Variants in SLC14A2 observed in about 807,000 individuals in gnomAD.
SLC14A2 encodes the protein solute carrier family 14 member 2, also known as urea transporter 2.
A neutral mutation model predicts 104.6 loss-of-function variants in SLC14A2; 91 were observed. The ratio of observed to expected loss-of-function variants is 0.87; its 90% CI spans 0.73 to 1.04. The LOEUF is 1.04. Ranked by LOEUF, SLC14A2 falls within the 50% of genes least tolerant of loss-of-function variation. The probability of loss-of-function intolerance (pLI) is 0.00; values close to 1 mark genes in which losing one functional copy is unlikely to be tolerated. For synonymous variants in SLC14A2, 476 were observed against 466.4 expected (o/e 1.02, Z -0.27); for missense variants, 1,189 against 1,156.0 (o/e 1.03, Z -0.41).
chr18:45,212,876 G>C (rs2143969329), upstream of SLC14A2: 1 of 152,326 alleles, frequency 6.6e-6, no homozygotes, highest in African/African-American at 2.4e-5. Flanking sequence ...TTGTGCCATG[G>C]TTAACAGTAC....
intron 1 of SLC14A2, among the ~76,000 whole-genome samples, chr18:45,279,155 G>T (rs1311990136): frequency 6.6e-6 from 1 of 152,192 alleles, no homozygotes; most frequent in Non-Finnish European, 1.5e-5. Context: ...TGTCCAGTGG[G>T]CCAGGTTCTA....
chr18:45,412,620 G>A (rs565852559), intron 1 of SLC14A2, among the ~76,000 whole-genome samples: 1 of 152,232 alleles, frequency 6.6e-6, no homozygotes, highest in East Asian at 1.9e-4. Context: ...CTTCTCTCTG[G>A]GGGTAAACAG....
chr18:45,278,219 G>C (rs1437282888), intron 1 of SLC14A2, among the ~76,000 whole-genome samples: 1 of 152,150 alleles, frequency 6.6e-6, no homozygotes, highest in Non-Finnish European at 1.5e-5. Flanking sequence ...TATTCAGTGT[G>C]ACATTCTTGT....
intron 2 of SLC14A2, among the ~76,000 whole-genome samples, chr18:45,557,061 G>A (rs946668624): frequency 1.3e-5 from 2 of 152,228 alleles, no homozygotes; most frequent in Non-Finnish European, 2.9e-5. Context: ...TCAAGAAAGA[G>A]TAGCCAATGC....
intron 1 of SLC14A2, among the ~76,000 whole-genome samples, chr18:45,363,468 A>G (rs1468781626): frequency 6.6e-6 from 1 of 152,182 alleles, no homozygotes; most frequent in Non-Finnish European, 1.5e-5. Flanking sequence ...CTTGGAGACA[A>G]TGCCACTGGG....
At chr18:45,469,713 T>C (rs139938839) in intron 1 of SLC14A2, among the ~76,000 whole-genome samples, 3 of 152,278 alleles carry the variant, frequency 2.0e-5, no homozygotes, top group Non-Finnish European at 4.4e-5. Context: ...TATGTCCACC[T>C]ACTTTCAGAG....
At chr18:45,441,385 C>G (rs2086680248) in intron 1 of SLC14A2, among the ~76,000 whole-genome samples, 1 of 152,154 alleles carries the variant, frequency 6.6e-6, no homozygotes, top group Non-Finnish European at 1.5e-5. Context: ...CTCACACTCC[C>G]CTTTTCTCCA....
At chr18:45,426,513 G>C (rs1028988402) in intron 1 of SLC14A2, among the ~76,000 whole-genome samples, 1 of 150,814 alleles carries the variant, frequency 6.6e-6, no homozygotes, top group Admixed American at 6.6e-5. Context: ...TTTTATCCCT[G>C]ATAACACAAG....
chr18:45,169,458 T>G, the SLC14A2 span, among the ~76,000 whole-genome samples: 1 of 152,308 alleles, frequency 6.6e-6, no homozygotes, highest in South Asian at 2.1e-4. Flanking sequence ...TCTTGCCTCC[T>G]GCCAACTCAT....
intron 2 of SLC14A2, among the ~76,000 whole-genome samples, chr18:45,592,051 A>AAT (rs922130512): frequency 3.9e-5 from 6 of 152,184 alleles, no homozygotes; most frequent in African/African-American, 9.7e-5. Context: ...GCAGGGCAGT[A>AAT]ATATATATAC....
intron 2 of SLC14A2, among the ~76,000 whole-genome samples, chr18:45,563,452 A>G (rs2852305): frequency 0.43 from 65,687 of 152,084 alleles, 14,479 homozygotes; most frequent in African/African-American, 0.52. Context: ...ATTCGAAAGT[A>G]TAATTTTATT....
chr18:45,397,056 C>T (rs540066454), intron 1 of SLC14A2, among the ~76,000 whole-genome samples: 41 of 152,238 alleles, frequency 2.7e-4, no homozygotes, highest in African/African-American at 9.4e-4. Flanking sequence ...TTTCTTTATC[C>T]AGTCTGTCAT....
At chr18:45,196,890 C>T in the SLC14A2 span, among the ~76,000 whole-genome samples, 3 of 152,206 alleles carry the variant, frequency 2.0e-5, no homozygotes, top group Non-Finnish European at 4.4e-5. Context: ...AACATATAAA[C>T]AAGAGCTAAG....
chr18:45,188,545 C>G, the SLC14A2 span, among the ~76,000 whole-genome samples: 1 of 152,184 alleles, frequency 6.6e-6, no homozygotes. Flanking sequence ...TTCACAGGCT[C>G]TAGGTGCTGC....
intron 1 of SLC14A2, among the ~76,000 whole-genome samples, chr18:45,316,300 G>A (rs774839594): frequency 6.6e-6 from 1 of 152,158 alleles, no homozygotes; most frequent in Admixed American, 6.5e-5. Flanking sequence ...AAAGACCCTC[G>A]GAGGCAGAGC....
chr18:45,496,959 C>T lies in SLC14A2; in HGVS notation c.-35+13637C>T, dbSNP rs530456778. Among the ~76,000 whole-genome samples, 47 of 152,274 alleles carry T rather than the reference C, an allele frequency of 3.1e-4. 2 individuals are homozygous for T. In the South Asian group the frequency reaches 9.8e-3, roughly 32 times the overall value. On this transcript the variant is annotated intron_variant, in intron 2 of 20. Transcript: ENST00000586448. ...TGCCAGAGGCTCTCAGGCCTTTGGC[C>T]ACAGACTGAAGTCTGCACTGTCAGT...
At chr18:45,242,663 T>C (rs1219899179) in intron 1 of SLC14A2, among the ~76,000 whole-genome samples, 1 of 152,220 alleles carries the variant, frequency 6.6e-6, no homozygotes, top group Non-Finnish European at 1.5e-5. Flanking sequence ...GCCATGTGAA[T>C]TCACTTCTTA....
chr18:45,656,588 G>A (rs1423806038), intron 10 of SLC14A2, among the ~76,000 whole-genome samples: 1 of 152,176 alleles, frequency 6.6e-6, no homozygotes, highest in Non-Finnish European at 1.5e-5. Context: ...GAGGGTGTGG[G>A]CCAGGGTAGG....
At position 45,279,088 on chromosome 18, in the gene SLC14A2, A is replaced by C. The variant is rs1339480323; in HGVS notation, c.-125+65897A>C. Among the ~76,000 whole-genome samples the C allele has an allele frequency of 2.0e-5, 3 of 152,188 alleles. No homozygotes were observed. In the East Asian group the frequency reaches 5.8e-4, roughly 29 times the overall value. The stretch of plus-strand genomic sequence containing the variant: ...CATGCTGGCCCAGGGCCTGGTTCTG[A>C]TCAGTTCTGCAGGCCACATGGAGGG... On this transcript the variant is annotated intron_variant, in intron 1 of 20. Coordinates refer to the SLC14A2 transcript ENST00000586448.
Sources: gnomAD v4.1 joint callset for allele counts (sites outside exome capture counted in the v4.1 genomes callset) on GRCh38, gnomAD v4.1.1 for gene constraint, MANE v1.5 for transcripts, NCBI Gene and HGNC (gene_info 2026-07-23, HGNC 2026-07-21) for gene names.